Variants in TM9SF3 observed in about 807,000 individuals in gnomAD.
The protein encoded by TM9SF3 is SM-11044-binding protein.
A neutral mutation model predicts 78.6 loss-of-function variants in TM9SF3; 14 were observed. The ratio of observed to expected loss-of-function variants is 0.18; its 90% CI spans 0.12 to 0.28. The LOEUF (loss-of-function observed/expected upper bound fraction) is 0.28, where lower values mean the gene tolerates loss of function less well. TM9SF3 is among the 10% of genes least tolerant of loss of function. The pLI, the probability that TM9SF3 is intolerant of heterozygous loss-of-function variation, is 1.00. For missense variants in TM9SF3, 496 were observed against 721.9 expected, an observed-to-expected ratio of 0.69 and a Z score of 3.59; for synonymous variants, 231 against 241.7, an observed-to-expected ratio of 0.96 and a Z score of 0.41.
intron 3 of TM9SF3, 67 bp from the exon 4 acceptor site, chr10:96,562,205 A>C: frequency 2.6e-6 from 3 of 1,168,324 alleles, no homozygotes; most frequent in African/African-American, 1.6e-5. Context: ...TACAAGCTAA[A>C]TGCTCATTAA....
intron 7 of TM9SF3, 89 bp downstream of exon 7, chr10:96,551,156 G>A (rs574226888): frequency 6.5e-6 from 7 of 1,071,736 alleles, no homozygotes; most frequent in East Asian, 5.2e-5. Context: ...AATAAGTAAC[G>A]ATTTAATTAT....
chr10:96,533,246 C>A, intron 9 of TM9SF3, 56 bp from the exon 10 acceptor site: 1 of 1,539,966 alleles, frequency 6.5e-7, no homozygotes, highest in Non-Finnish European at 8.8e-7. Context: ...TTAATATAAA[C>A]AAATAAAAGA....
chr10:96,524,277 C>T (rs1847814439), intron 14 of TM9SF3, among the ~76,000 whole-genome samples: 1 of 151,820 alleles, frequency 6.6e-6, no homozygotes, highest in Admixed American at 6.6e-5. Context: ...AACAATATTA[C>T]ATTTTAAAAT....
At chr10:96,582,601 A>G (rs1370663626) in intron 1 of TM9SF3, among the ~76,000 whole-genome samples, 1 of 152,222 alleles carries the variant, frequency 6.6e-6, no homozygotes, top group Non-Finnish European at 1.5e-5. Context: ...GTCTTCCACA[A>G]AAGTGTTAAT....
intron 5 of TM9SF3, among the ~76,000 whole-genome samples, chr10:96,556,782 C>T (rs568891586): frequency 3.9e-5 from 6 of 152,236 alleles, no homozygotes; most frequent in Admixed American, 2.6e-4. Flanking sequence ...CCTCTTTTCC[C>T]ATTCTCTCTT....
Position 96,576,733 on chromosome 10 carries a change from C to A in TM9SF3, c.199G>T (p.Val67Leu). The A allele has an allele frequency of 6.2e-7, 1 of 1,610,612 alleles. No individual in the cohort carries two copies. The highest frequency in any genetic ancestry group is 1.1e-5 in the South Asian group (1 of 90,596). Residue 67 changes from valine to leucine, a missense_variant, in exon 2 of 15, where the codon GTG becomes TTG. Coordinates refer to ENST00000371142, the MANE Select transcript of TM9SF3 (RefSeq NM_020123.4). Reference sequence around the variant, plus strand: ...TGACTGATACTTTTTTTTGACCCCACACAGAATGGAAGTGAAAAGTACTTA... The same window carrying A: ...TGACTGATACTTTTTTTTGACCCCAAACAGAATGGAAGTGAAAAGTACTTA... ...TYKYFSLPFC[V>L]GSKKSISHYH...
chr10:96,555,229 A>G (rs1458456173), intron 5 of TM9SF3, among the ~76,000 whole-genome samples: 1 of 151,992 alleles, frequency 6.6e-6, no homozygotes, highest in Non-Finnish European at 1.5e-5. Flanking sequence ...TATCTAGTCA[A>G]CTTTTCTTTC....
At position 96,521,204 on chromosome 10, in the gene TM9SF3, G is replaced by A. The variant is rs1437809041; in HGVS notation, c.*1059C>T. 1 of 284,282 alleles carries A rather than the reference G, an allele frequency of 3.5e-6. No individual in the cohort carries two copies. The highest frequency in any genetic ancestry group is 6.5e-6 in the Non-Finnish European group (1 of 153,684). The allele number at this position is 284,282 out of a possible 1,614,324, so 17.6% of individuals were successfully genotyped here. On this transcript the variant is annotated 3_prime_UTR_variant, in exon 15 of 15. Transcript: ENST00000371142. Reference sequence around the variant, plus strand: ...CAATGTTTCATGCAATGGTAGGCAAGATGTAAAAGCCCACCCAAATCACAC... The same window carrying A: ...CAATGTTTCATGCAATGGTAGGCAAAATGTAAAAGCCCACCCAAATCACAC...
rs1007026051 is a variant in TM9SF3, at chr10:96,586,781, G to C, written c.55C>G (p.Leu19Val). 7.8e-7 allele frequency: 1 copy of C among 1,288,332 alleles called. No individual in the cohort carries two copies. The highest frequency in any genetic ancestry group is 9.8e-7 in the Non-Finnish European group (1 of 1,016,134). 79.8% of individuals were successfully genotyped at this position (1,288,332 alleles called of 1,614,324 possible). A position where few individuals can be genotyped will look rare whatever the true frequency, so the allele number is the denominator to read the frequency against. ...GVAAAAALWL[L>V]LLLLPRTRAD... ...CGGGTCCGGGGCAGCAGCAGCAGCA[G>C]CAGCCACAGCGCGGCGGCCGCCGCC... Residue 19 changes from leucine to valine, a missense_variant, in exon 1 of 15, where the codon CTG becomes GTG. Transcript: ENST00000371142.
intron 10 of TM9SF3, among the ~76,000 whole-genome samples, chr10:96,531,880 C>T (rs1481124580): frequency 1.3e-5 from 2 of 151,864 alleles, no homozygotes; most frequent in African/African-American, 4.8e-5. Context: ...TTGATGGGTC[C>T]TAACATACTG....
intron 2 of TM9SF3, among the ~76,000 whole-genome samples, chr10:96,573,783 C>T (rs1240311238): frequency 6.6e-6 from 1 of 152,110 alleles, no homozygotes; most frequent in Non-Finnish European, 1.5e-5. Flanking sequence ...CATCTACAAC[C>T]ATGTGATCTT....
intron 9 of TM9SF3, among the ~76,000 whole-genome samples, chr10:96,539,095 A>G (rs1847992560): frequency 6.6e-6 from 1 of 152,264 alleles, no homozygotes; most frequent in African/African-American, 2.4e-5. Context: ...AAAAACTAGT[A>G]AATTACTGGG....
intron 1 of TM9SF3, 101 bp from the exon 2 acceptor site, chr10:96,576,930 GTT>G (rs1848503908): frequency 2.3e-6 from 2 of 857,902 alleles, no homozygotes; most frequent in South Asian, 6.0e-5. Flanking sequence ...CATCATCTCT[GTT>G]CAGGAAGCTA....
chr10:96,538,624 C>T (rs1384418097), intron 9 of TM9SF3, among the ~76,000 whole-genome samples: 1 of 151,912 alleles, frequency 6.6e-6, no homozygotes, highest in Non-Finnish European at 1.5e-5. Flanking sequence ...TATATACTTA[C>T]AAAATACATA....
rs2134124047 is a variant in TM9SF3 at position 96,519,039 on chromosome 10, A to G, written c.*3224T>C. The G allele has an allele frequency of 6.6e-6, 1 of 152,236 alleles. No individual in the cohort carries two copies. Among genetic ancestry groups the G allele is most frequent in the South Asian group, 2.1e-4 (1 of 4,832 alleles). 9.4% of individuals were successfully genotyped at this position (152,236 alleles called of 1,614,324 possible). A position where few individuals can be genotyped will look rare whatever the true frequency, so the allele number is the denominator to read the frequency against. Reference sequence around the variant, plus strand: ...GATTACAAATGGGTCTCCCCACCACAGAATTCATATACAAAAGCCCTTCGG... The same window carrying G: ...GATTACAAATGGGTCTCCCCACCACGGAATTCATATACAAAAGCCCTTCGG... On this transcript the variant is annotated 3_prime_UTR_variant, in exon 15 of 15. Transcript: ENST00000371142.
chr10:96,586,394 C>T (rs563919378), intron 1 of TM9SF3, among the ~76,000 whole-genome samples: 4 of 152,154 alleles, frequency 2.6e-5, no homozygotes, highest in Admixed American at 2.6e-4. Context: ...CCAGCCTGCC[C>T]GTTGCCCCGC....
At chr10:96,560,445 TC>T (rs2134149692) in intron 4 of TM9SF3, 2 of 755,158 alleles carry the variant, frequency 2.6e-6, no homozygotes, top group Non-Finnish European at 4.8e-6. Context: ...GCCAACGGTT[TC>T]CCTTGGGGGC....
intron 3 of TM9SF3, among the ~76,000 whole-genome samples, chr10:96,564,259 A>G (rs1201153887): frequency 6.6e-6 from 1 of 152,142 alleles, no homozygotes; most frequent in Non-Finnish European, 1.5e-5. Context: ...ATCACTGCAC[A>G]AACCTGTAAG....
Position 96,544,100 on chromosome 10 carries a change from T to C in TM9SF3, c.1161A>G (p.Ser387=), listed in dbSNP as rs2134138909. 1 of 1,611,944 alleles carries C rather than the reference T, an allele frequency of 6.2e-7. No homozygotes were observed. The highest frequency in any genetic ancestry group is 8.5e-7 in the Non-Finnish European group (1 of 1,179,306). ...CCATTGTTCCAAAAGGAATGGCTCT[T>C]GAAGCATGGTAATAAATGGCTATGA... ...INFIAIYYHA[S]RAIPFGTMVA... is the part of the protein sequence containing the mutation. Residue 387 remains serine (S), a synonymous_variant, in exon 9 of 15, where the codon TCA becomes TCG. Transcript: ENST00000371142.
Sources: gnomAD v4.1 joint callset for allele counts (sites outside exome capture counted in the v4.1 genomes callset) on GRCh38, gnomAD v4.1.1 for gene constraint, MANE v1.5 for transcripts, NCBI Gene and HGNC (gene_info 2026-07-23, HGNC 2026-07-21) for gene names.